Variants in PDE4D observed in about 807,000 individuals in gnomAD.
PDE4D encodes the protein 3',5'-cyclic-AMP phosphodiesterase 4D.
PDE4D carries 24 observed loss-of-function variants against 87.4 expected under a neutral mutation model. The observed-to-expected ratio is 0.27, with a 90% CI of 0.20 to 0.39. The LOEUF is 0.39. Among genes scored for constraint, PDE4D ranks in the 10% least tolerant of loss-of-function variants. PDE4D has a pLI of 1.00. For missense variants in PDE4D, 714 were observed against 1,041.0 expected (o/e 0.69, Z 4.32); for synonymous variants, 384 against 383.2 (o/e 1.00, Z -0.02).
intron 1 of PDE4D, among the ~76,000 whole-genome samples, chr5:60,306,332 A>C (rs2149804416): frequency 6.6e-6 from 1 of 152,176 alleles, no homozygotes. Context: ...GGATGGACTC[A>C]AAAGGAAAAA....
chr5:59,821,392 T>C (rs1253514835), intron 1 of PDE4D, among the ~76,000 whole-genome samples: 1 of 152,258 alleles, frequency 6.6e-6, no homozygotes, highest in Non-Finnish European at 1.5e-5. Context: ...GAATCAATTA[T>C]GGCTTATTTA....
upstream of PDE4D, among the ~76,000 whole-genome samples, chr5:59,898,209 T>C (rs1751869392): frequency 1.3e-5 from 2 of 152,202 alleles, no homozygotes; most frequent in African/African-American, 4.8e-5. Flanking sequence ...GGAGGCTCAG[T>C]ATCACAAAAT....
At chr5:59,207,233 A>G (rs1485772948) in intron 2 of PDE4D, among the ~76,000 whole-genome samples, 3 of 152,166 alleles carry the variant, frequency 2.0e-5, no homozygotes, top group Non-Finnish European at 2.9e-5. Flanking sequence ...TCTATTTTAC[A>G]ATACACTGGA....
chr5:59,647,225 T>C (rs1330067289), intron 1 of PDE4D, among the ~76,000 whole-genome samples: 3 of 152,130 alleles, frequency 2.0e-5, no homozygotes, highest in Admixed American at 2.0e-4. Flanking sequence ...ACAAAGCTGG[T>C]GTACAATTGT....
intron 3 of PDE4D, among the ~76,000 whole-genome samples, chr5:59,967,075 C>T (rs571598508): frequency 6.6e-6 from 1 of 152,154 alleles, no homozygotes; most frequent in South Asian, 2.1e-4. Flanking sequence ...ATCTCAAATG[C>T]CCCAGGAATC....
At chr5:60,309,644 T>G (rs984387573) in intron 1 of PDE4D, among the ~76,000 whole-genome samples, 1 of 152,082 alleles carries the variant, frequency 6.6e-6, no homozygotes, top group East Asian at 1.9e-4. Flanking sequence ...AGCACAACTG[T>G]TGAAAGAAAA....
intron 1 of PDE4D, among the ~76,000 whole-genome samples, chr5:59,626,091 A>C (rs538303751): frequency 1.4e-4 from 22 of 152,358 alleles, no homozygotes; most frequent in African/African-American, 5.3e-4. Flanking sequence ...CCGTCTCAAA[A>C]AAACAAAACA....
chr5:59,932,263 A>G (rs1478056671), intron 3 of PDE4D, among the ~76,000 whole-genome samples: 1 of 152,180 alleles, frequency 6.6e-6, no homozygotes, highest in Non-Finnish European at 1.5e-5. Flanking sequence ...TGTATTGAGC[A>G]CTGACTATAC....
intron 1 of PDE4D, among the ~76,000 whole-genome samples, chr5:60,416,570 G>A (rs973495607): frequency 1.9e-4 from 29 of 152,232 alleles, no homozygotes; most frequent in African/African-American, 6.0e-4. Context: ...GAGCCAGCAA[G>A]ACCACGAACC....
chr5:59,482,330 A>G (rs918032939), intron 1 of PDE4D, among the ~76,000 whole-genome samples: 3 of 152,122 alleles, frequency 2.0e-5, no homozygotes, highest in Non-Finnish European at 4.4e-5. Flanking sequence ...ACCATTGTCT[A>G]CTGGTCTCTT....
chr5:60,371,272 ATCATCATTCCCATGACAGGTACATGG>A (rs1761007335), intron 1 of PDE4D, among the ~76,000 whole-genome samples: 1 of 152,208 alleles, frequency 6.6e-6, no homozygotes, highest in African/African-American at 2.4e-5. Flanking sequence ...GTAATATTGT[ATCATCATTCCCATGACAGGTACATGG>A]TGGACTTTGT....
At chr5:59,688,680 G>T (rs12153145) in intron 1 of PDE4D, among the ~76,000 whole-genome samples, 1 of 151,898 alleles carries the variant, frequency 6.6e-6, no homozygotes, top group Non-Finnish European at 1.5e-5. Flanking sequence ...AAGAGCAAAC[G>T]CATTCAAAAG....
intron 1 of PDE4D, among the ~76,000 whole-genome samples, chr5:59,731,958 C>T (rs556021448): frequency 6.6e-6 from 1 of 152,080 alleles, no homozygotes; most frequent in East Asian, 1.9e-4. Flanking sequence ...CTAATGTGCA[C>T]AAAAGGTTTT....
At position 59,104,448 on chromosome 5, in the gene PDE4D, C is replaced by T. The variant is rs544268874; in HGVS notation, c.809-65477G>A. On this transcript the variant is annotated intron_variant, in intron 5 of 14. Coordinates refer to ENST00000340635, the MANE Select transcript of PDE4D (RefSeq NM_001104631.2). Reference sequence around the variant, plus strand: ...CTCAAACTAACATGATTATACGAATCGCAGGCTAGTAGTTAAAAGCGTAAG... The same window carrying T: ...CTCAAACTAACATGATTATACGAATTGCAGGCTAGTAGTTAAAAGCGTAAG... Among the ~76,000 whole-genome samples the T allele has an allele frequency of 3.3e-5, 5 of 152,288 alleles. No homozygotes were observed. In the East Asian group the frequency reaches 9.7e-4, roughly 29 times the overall value.
At chr5:59,102,772 G>A (rs1770977681) in intron 5 of PDE4D, among the ~76,000 whole-genome samples, 1 of 152,164 alleles carries the variant, frequency 6.6e-6, no homozygotes, top group Non-Finnish European at 1.5e-5. Context: ...CAGAATTTGT[G>A]GGGCATAGGG....
intron 1 of PDE4D, among the ~76,000 whole-genome samples, chr5:59,510,718 TG>T (rs1810145045): frequency 6.6e-6 from 1 of 151,966 alleles, no homozygotes; most frequent in Non-Finnish European, 1.5e-5. Context: ...CCCAGGTATA[TG>T]GAAACAGCAG....
intron 1 of PDE4D, among the ~76,000 whole-genome samples, chr5:60,191,993 C>T (rs1486316987): frequency 1.3e-5 from 2 of 151,994 alleles, no homozygotes; most frequent in African/African-American, 4.8e-5. Flanking sequence ...GAGTGAGACT[C>T]CATCTCAAAA....
intron 1 of PDE4D, among the ~76,000 whole-genome samples, chr5:59,486,569 C>T (rs1280996242): frequency 6.6e-6 from 1 of 152,162 alleles, no homozygotes; most frequent in Admixed American, 6.6e-5. Flanking sequence ...TTAACTATCA[C>T]AATACATTTA....
intron 2 of PDE4D, among the ~76,000 whole-genome samples, chr5:60,031,425 A>G (rs1767233690): frequency 6.6e-6 from 1 of 152,226 alleles, no homozygotes; most frequent in South Asian, 2.1e-4. Flanking sequence ...AAAGCCAAGC[A>G]CACACAAGGG....
Sources: gnomAD v4.1 joint callset for allele counts (sites outside exome capture counted in the v4.1 genomes callset) on GRCh38, gnomAD v4.1.1 for gene constraint, MANE v1.5 for transcripts, NCBI Gene and HGNC (gene_info 2026-07-23, HGNC 2026-07-21) for gene names.